ARFGEF1: variants seen among roughly 807,000 people sequenced by gnomAD.
ARFGEF1 encodes brefeldin A-inhibited guanine nucleotide-exchange protein 1.
A neutral mutation model predicts 231.0 loss-of-function variants in ARFGEF1; 42 were observed. The ratio of observed to expected loss-of-function variants is 0.18; its 90% confidence interval spans 0.14 to 0.24. The LOEUF (loss-of-function observed/expected upper bound fraction) is 0.24, where lower values mean the gene tolerates loss of function less well. Ranked by LOEUF, ARFGEF1 falls within the 10% of genes least tolerant of loss-of-function variation. The probability of loss-of-function intolerance (pLI) is 1.00; values close to 1 mark genes in which losing one functional copy is unlikely to be tolerated. For synonymous variants in ARFGEF1, 710 were observed against 732.3 expected (o/e 0.97, Z 0.49); for missense variants, 1,345 against 2,192.0 (o/e 0.61, Z 7.72).
intron 1 of ARFGEF1, among the ~76,000 whole-genome samples, chr8:67,311,828 G>A (rs868476299): frequency 2.6e-5 from 4 of 152,168 alleles, no homozygotes; most frequent in Admixed American, 2.0e-4. Context: ...TTGAGAAATC[G>A]GATGGTTGCC....
chr8:67,338,477 G>T (rs1485931350), intron 1 of ARFGEF1, among the ~76,000 whole-genome samples: 4 of 152,168 alleles, frequency 2.6e-5, no homozygotes, highest in African/African-American at 9.7e-5. Context: ...TGTCTTTCTT[G>T]GAGGACTTTT....
intron 14 of ARFGEF1, among the ~76,000 whole-genome samples, chr8:67,265,359 T>C (rs1203964505): frequency 6.6e-6 from 1 of 152,126 alleles, no homozygotes; most frequent in Non-Finnish European, 1.5e-5. Context: ...AATAGTTAGA[T>C]TCATGGAGAC....
rs1344516459 is a variant in ARFGEF1 at position 67,198,554 on chromosome 8, T to C, written c.*380A>G. On this transcript the variant is annotated 3_prime_UTR_variant, in exon 39 of 39. Coordinates refer to ENST00000262215, the MANE Select transcript of ARFGEF1 (RefSeq NM_006421.5). ...TCCCCAATTATAAACATTTTATCCT[T>C]CAAAATACAGCTCTCCTGAGTTGTA... 8.0e-6 allele frequency: 8 copies of C among 997,642 alleles called. No individual in the cohort carries two copies. The highest frequency in any genetic ancestry group is 9.5e-6 in the Non-Finnish European group (8 of 838,254). The allele number at this position is 997,642 out of a possible 1,614,324, so 61.8% of individuals were successfully genotyped here. A position where few individuals can be genotyped will look rare whatever the true frequency, so the allele number is the denominator to read the frequency against.
downstream of ARFGEF1, among the ~76,000 whole-genome samples, chr8:67,194,118 A>G (rs1302807237): frequency 6.6e-6 from 1 of 152,194 alleles, no homozygotes. Context: ...CTAGTCATAG[A>G]GCACAAGGCA....
chr8:67,237,200 A>T (rs1839797397), intron 22 of ARFGEF1, among the ~76,000 whole-genome samples: 1 of 152,194 alleles, frequency 6.6e-6, no homozygotes. Flanking sequence ...TCTAATGTAT[A>T]AAGTTGGGCT....
At position 67,318,054 on chromosome 8, in the gene ARFGEF1, G is replaced by A. The variant is rs377337382; in HGVS notation, c.125-15588C>T. Among the ~76,000 whole-genome samples the A allele has an allele frequency of 2.7e-3, 408 of 151,592 alleles. 2 individuals carry two copies. Among genetic ancestry groups the A allele is most frequent in the African/African-American group, 9.6e-3 (397 of 41,356 alleles). On this transcript the variant is annotated intron_variant, in intron 1 of 38. Coordinates refer to ENST00000262215, the MANE Select transcript of ARFGEF1 (RefSeq NM_006421.5). ...AGATCGAGACCATCCTGGCTAACAC[G>A]GTGAAACCCCATCTCTACTAAAAAT... is the stretch of plus-strand genomic sequence containing the variant.
At chr8:67,310,972 C>CCGCCT in intron 1 of ARFGEF1, among the ~76,000 whole-genome samples, 3 of 6,778 alleles carry the variant, frequency 4.4e-4, no homozygotes, top group Non-Finnish European at 7.1e-4. Context: ...AGGTGGGGCC[C>CCGCCT]GGGAGGGAGG....
At chr8:67,264,549 G>A (rs541047575) in intron 14 of ARFGEF1, among the ~76,000 whole-genome samples, 19 of 152,216 alleles carry the variant, frequency 1.2e-4, no homozygotes, top group Non-Finnish European at 1.9e-4. Flanking sequence ...ACAGAACGCT[G>A]GCAATGCTAA....
chr8:67,331,615 T>C (rs1469407705), intron 1 of ARFGEF1, among the ~76,000 whole-genome samples: 2 of 152,090 alleles, frequency 1.3e-5, no homozygotes, highest in African/African-American at 4.8e-5. Context: ...GACTAAGATA[T>C]ACTCTAATAA....
At chr8:67,195,389 G>T (rs1423924201), downstream of ARFGEF1, 2 of 1,613,376 alleles carry the variant, frequency 1.2e-6, no homozygotes, top group South Asian at 2.2e-5. Context: ...TAGATGATGA[G>T]AGTTCACTGG....
At chr8:67,283,505 G>C (rs1342645555) in intron 7 of ARFGEF1, among the ~76,000 whole-genome samples, 2 of 151,968 alleles carry the variant, frequency 1.3e-5, no homozygotes, top group Admixed American at 6.6e-5. Context: ...ATATATGCAG[G>C]CATGTGTGAA....
At chr8:67,187,642 C>T (rs1835040765) in intron 5 of ARFGEF1, among the ~76,000 whole-genome samples, 1 of 151,778 alleles carries the variant, frequency 6.6e-6, no homozygotes, top group South Asian at 2.1e-4. Context: ...TATGATCACG[C>T]CACTAAACTC....
Position 67,198,139 on chromosome 8 carries a change from G to C in ARFGEF1, c.*795C>G. ...ATGTGACAGGTAGTTACTGTCAGTA[G>C]GGATATTTTCTACCTTTTTTTCCCT... On this transcript the variant is annotated 3_prime_UTR_variant, in exon 39 of 39. Coordinates refer to ENST00000262215, the MANE Select transcript of ARFGEF1 (RefSeq NM_006421.5). 1.0e-6 allele frequency: 1 copy of C among 985,716 alleles called. No individual in the cohort carries two copies. The highest frequency in any genetic ancestry group is 1.2e-6 in the Non-Finnish European group (1 of 829,902). The allele number at this position is 985,716 out of a possible 1,614,324, so 61.1% of individuals were successfully genotyped here.
intron 22 of ARFGEF1, among the ~76,000 whole-genome samples, chr8:67,233,352 A>G (rs1158400557): frequency 2.0e-5 from 3 of 152,018 alleles, no homozygotes; most frequent in Non-Finnish European, 4.4e-5. Context: ...TCCCCTATTT[A>G]CAAAGGTCAG....
chr8:67,219,770 T>C (rs2128867056), intron 29 of ARFGEF1, among the ~76,000 whole-genome samples: 1 of 152,326 alleles, frequency 6.6e-6, no homozygotes, highest in Admixed American at 6.5e-5. Flanking sequence ...TCCAAAGGTC[T>C]TGGCTGTAAA....
chr8:67,198,898 AG>A lies in ARFGEF1; in HGVS notation c.*35del. On this transcript the variant is annotated 3_prime_UTR_variant, in exon 39 of 39. Transcript: ENST00000262215. ...GCTCCAGCGTCCTTTTAAAGAGCAGAGGGATGTAAATGCCAACAAAAATATT... is the reference window on the plus strand; with the variant it reads ...GCTCCAGCGTCCTTTTAAAGAGCAGAGGATGTAAATGCCAACAAAAATATT... 1 of 1,608,364 alleles carries A rather than the reference AG, an allele frequency of 6.2e-7. No individual in the cohort carries two copies.
Position 67,267,147 on chromosome 8 carries a change from G to T in ARFGEF1, c.1756C>A (p.Leu586Ile). Residue 586 changes from leucine (L) to isoleucine (I), a missense_variant, in exon 12 of 39, where the codon CTA becomes ATA. Leu to Ile is a conservative substitution (Grantham distance 5). Coordinates refer to ENST00000262215, the MANE Select transcript of ARFGEF1 (RefSeq NM_006421.5). ...ANIFERLVND[L>I]SKIAQGRGSQ... is the part of the protein sequence containing the mutation. The stretch of plus-strand genomic sequence containing the variant: ...CCCCTTCCTTGAGCAATTTTTGATA[G>T]ATCATTTACTAGTCTTTCAAATATA... The T allele has an allele frequency of 6.2e-7, 1 of 1,613,146 alleles. No individual in the cohort carries two copies. The highest frequency in any genetic ancestry group is 8.5e-7 in the Non-Finnish European group (1 of 1,179,660).
intron 18 of ARFGEF1, among the ~76,000 whole-genome samples, chr8:67,252,532 T>C (rs1041642792): frequency 6.6e-6 from 1 of 152,156 alleles, no homozygotes; most frequent in African/African-American, 2.4e-5. Flanking sequence ...CTCCTGCCAT[T>C]TGGATTTTAC....
At chr8:67,189,771 T>C (rs1185983120) in intron 5 of ARFGEF1, among the ~76,000 whole-genome samples, 1 of 152,110 alleles carries the variant, frequency 6.6e-6, no homozygotes, top group Non-Finnish European at 1.5e-5. Flanking sequence ...TCCCCCCAAA[T>C]ATATATAGAA....
Sources: allele counts gnomAD v4.1 joint callset (sites outside exome capture counted in the v4.1 genomes callset), GRCh38; gene constraint gnomAD v4.1.1; transcripts MANE v1.5; gene names NCBI Gene and HGNC (gene_info 2026-07-23, HGNC 2026-07-21).